AKAP8: variants seen among roughly 807,000 people sequenced by gnomAD.
AKAP8 encodes the protein A-kinase anchor protein 8.
In AKAP8, 24 loss-of-function variants were observed where a neutral mutation model predicts 67.5. That is an observed-to-expected ratio of 0.36 (90% confidence interval 0.26 to 0.50). The LOEUF (loss-of-function observed/expected upper bound fraction) is 0.50. Ranked by LOEUF, AKAP8 falls within the 20% of genes least tolerant of loss-of-function variation. The pLI, the probability that AKAP8 is intolerant of heterozygous loss-of-function variation, is 0.97. For missense variants in AKAP8, 971 were observed against 955.9 expected, an observed-to-expected ratio of 1.02 and a Z score of -0.21; for synonymous variants, 400 against 371.1, an observed-to-expected ratio of 1.08 and a Z score of -0.90.
chr19:15,362,887 G>T (rs1286359836), intron 9 of AKAP8, among the ~76,000 whole-genome samples: 15 of 150,546 alleles, frequency 1.0e-4, no homozygotes, highest in African/African-American at 3.7e-4. Flanking sequence ...GTCTCTGCCC[G>T]GCCGCCATCC....
Position 15,379,756 on chromosome 19 carries a change from C to T in AKAP8, c.-25G>A. The T allele has an allele frequency of 1.2e-6, 2 of 1,610,600 alleles. No individual in the cohort carries two copies. The highest frequency in any genetic ancestry group is 2.7e-5 in the African/African-American group (2 of 74,764). ...TGTCTTCGACGCGGCCCACCAGCAG[C>T]CCCGTTTACTAGGCGACCACAGCAC... On this transcript the variant is annotated 5_prime_UTR_variant, in exon 1 of 14. Coordinates refer to ENST00000269701, the MANE Select transcript of AKAP8 (RefSeq NM_005858.4).
chr19:15,356,895 C>T (rs1000594850), intron 13 of AKAP8, among the ~76,000 whole-genome samples: 1 of 151,958 alleles, frequency 6.6e-6, no homozygotes, highest in Non-Finnish European at 1.5e-5. Context: ...CTTTGGGAGG[C>T]GGAAGCAGGC....
intron 9 of AKAP8, among the ~76,000 whole-genome samples, chr19:15,366,150 A>G (rs1367953467): frequency 7.8e-5 from 4 of 51,082 alleles, no homozygotes; most frequent in Non-Finnish European, 1.4e-4. Flanking sequence ...AAAAAAAGCA[A>G]AAAGAAAAAA....
At chr19:15,368,005 A>G (rs2145076056) in intron 9 of AKAP8, among the ~76,000 whole-genome samples, 1 of 152,274 alleles carries the variant, frequency 6.6e-6, no homozygotes, top group South Asian at 2.1e-4. Flanking sequence ...AAACCTAACC[A>G]CCAAAGCAAC....
intron 9 of AKAP8, among the ~76,000 whole-genome samples, chr19:15,367,241 C>T (rs965967259): frequency 2.0e-5 from 3 of 152,180 alleles, no homozygotes; most frequent in African/African-American, 4.8e-5. Context: ...ACGACAATCA[C>T]TGCCCAGACT....
At chr19:15,365,987 G>A (rs1438785943) in intron 9 of AKAP8, among the ~76,000 whole-genome samples, 4 of 149,528 alleles carry the variant, frequency 2.7e-5, no homozygotes, top group South Asian at 2.1e-4. Flanking sequence ...TCGTGCCACT[G>A]CACTCTAGGA....
At position 15,369,547 on chromosome 19, in the gene AKAP8, G is replaced by A. The variant is rs1353770585; in HGVS notation, c.1072+599C>T. On this transcript the variant is annotated intron_variant, in intron 8 of 13. Coordinates refer to ENST00000269701, the MANE Select transcript of AKAP8 (RefSeq NM_005858.4). The surrounding 1 kb of genome is among the most constrained non-coding windows in gnomAD (Gnocchi z 4.6). ...ATGAGGGATTTAAGCCTGCTCTGCT[G>A]TTGCTGCAGACCCTCTGGTCTCCTG... Among the ~76,000 whole-genome samples the A allele has an allele frequency of 6.6e-6, 1 of 152,228 alleles. No individual in the cohort carries two copies. The highest frequency in any genetic ancestry group is 1.5e-5 in the Non-Finnish European group (1 of 68,036).
chr19:15,360,668 A>C (rs1966949698), intron 12 of AKAP8, among the ~76,000 whole-genome samples, 180 bp downstream of exon 12: 1 of 152,236 alleles, frequency 6.6e-6, no homozygotes, highest in African/African-American at 2.4e-5. Context: ...GAGTCTAAGC[A>C]ACACATTTTC....
Position 15,354,560 on chromosome 19 carries a change from A to C in AKAP8, c.*355T>G, listed in dbSNP as rs1355325825. 3 of 241,344 alleles carry C rather than the reference A, an allele frequency of 1.2e-5. No homozygotes were observed. In the Admixed American group the frequency reaches 1.5e-4, roughly 12 times the overall value. The allele number at this position is 241,344 out of a possible 1,614,324, so 15.0% of individuals were successfully genotyped here. A position where few individuals can be genotyped will look rare whatever the true frequency, so the allele number is the denominator to read the frequency against. On this transcript the variant is annotated 3_prime_UTR_variant, in exon 14 of 14. Coordinates refer to ENST00000269701, the MANE Select transcript of AKAP8 (RefSeq NM_005858.4). The stretch of plus-strand genomic sequence containing the variant: ...GCTGTTCCCAACCAAATAAAAAAAA[A>C]AATTAAGGAAAAAAATAAAAAAGGA...
At chr19:15,373,405 T>C (rs764306766) in intron 4 of AKAP8, 65 bp from the exon 5 acceptor site, 146 of 1,515,922 alleles carry the variant, frequency 9.6e-5, no homozygotes, top group Non-Finnish European at 1.3e-4. Flanking sequence ...ACTCCCTCAG[T>C]ATAACCTCGA....
At chr19:15,361,104 A>G (rs1966957662) in intron 11 of AKAP8, 126 bp from the exon 12 acceptor site, 9 of 1,195,228 alleles carry the variant, frequency 7.5e-6, no homozygotes, top group Non-Finnish European at 1.0e-5. Context: ...CTGCCTTTCT[A>G]TGGGGAGTAT....
chr19:15,354,619 T>A lies in AKAP8; in HGVS notation c.*296A>T. ...ATCAGTGGCTGTATTGAACAAGTAA[T>A]GTATCATCAAGATATAATCACCCAA... On this transcript the variant is annotated 3_prime_UTR_variant, in exon 14 of 14. Coordinates refer to ENST00000269701, the MANE Select transcript of AKAP8 (RefSeq NM_005858.4). 2.5e-6 allele frequency: 1 copy of A among 394,922 alleles called. No individual in the cohort carries two copies. The highest frequency in any genetic ancestry group is 5.3e-5 in the South Asian group (1 of 19,014). The allele number at this position is 394,922 out of a possible 1,614,324, so 24.5% of individuals were successfully genotyped here.
chr19:15,378,226 A>G (rs1967289831), intron 1 of AKAP8, among the ~76,000 whole-genome samples: 1 of 152,148 alleles, frequency 6.6e-6, no homozygotes, highest in Admixed American at 6.5e-5. Flanking sequence ...CCTCCGTCAT[A>G]CCGCAAAACC....
At chr19:15,378,880 GGGAAA>G (rs1967309621) in intron 1 of AKAP8, 1 of 152,486 alleles carries the variant, frequency 6.6e-6, no homozygotes, top group African/African-American at 2.4e-5. Flanking sequence ...AATCCTAGTG[GGGAAA>G]GGACACGTTC....
rs746031153 is a variant in AKAP8, at chr19:15,373,166, G to A, written c.546C>T (p.Ser182=). The A allele has an allele frequency of 3.3e-5, 54 of 1,613,416 alleles. No homozygotes were observed. In the African/African-American group the frequency reaches 5.5e-4, roughly 16 times the overall value. ...ECRDPARERG[S]LDGFMRGRGQ... ...CCCGGCCCCGCATGAAGCCATCAAG[G>A]GAGCCCCGCTCCCGGGCTGGGTCTC... Residue 182 remains serine (S), a synonymous_variant, in exon 5 of 14, where the codon TCC becomes TCT. Transcript: ENST00000269701.
chr19:15,379,742 C>T lies in AKAP8; in HGVS notation c.-11G>A, dbSNP rs1490461483. 1.9e-6 allele frequency: 3 copies of T among 1,611,218 alleles called. No individual in the cohort carries two copies. The highest frequency in any genetic ancestry group is 2.2e-5 in the South Asian group (2 of 90,556). On this transcript the variant is annotated 5_prime_UTR_variant, in exon 1 of 14. Coordinates refer to ENST00000269701, the MANE Select transcript of AKAP8 (RefSeq NM_005858.4). ...GTAGCCCTGGTCCATGTCTTCGACG[C>T]GGCCCACCAGCAGCCCCGTTTACTA...
At position 15,370,176 on chromosome 19, in the gene AKAP8, C is replaced by T. The variant is rs770651728; in HGVS notation, c.1042G>A (p.Asp348Asn). The part of the protein sequence containing the change: ...RSGDEEFKGE[D>N]ELCDSGRQRG... ...TGCCTCCCAGAGTCGCAGAGTTCAT[C>T]CTCCTGGAAAAGAGTATACACAAAG... Residue 348 changes from aspartate (D) to asparagine (N), a missense_variant, in exon 8 of 14, where the codon GAT becomes AAT. Asp to Asn is a conservative substitution (Grantham distance 23). Around this residue, in one of 3 missense-constraint regions of AKAP8, gnomAD observed 763 missense variants for 745.4 expected, o/e 1.02. Coordinates refer to ENST00000269701, the MANE Select transcript of AKAP8 (RefSeq NM_005858.4). 9.3e-6 allele frequency: 15 copies of T among 1,614,002 alleles called. No homozygotes were observed. Among genetic ancestry groups the T allele is most frequent in the Non-Finnish European group, 3.4e-6 (4 of 1,180,020 alleles).
chr19:15,379,534 G>A (rs896272282), intron 1 of AKAP8, 179 bp downstream of exon 1: 8 of 606,114 alleles, frequency 1.3e-5, no homozygotes, highest in South Asian at 2.7e-5. Context: ...CAGAGCCCCG[G>A]GAGCGACGGC....
At chr19:15,359,913 C>T (rs1021488695) in intron 12 of AKAP8, among the ~76,000 whole-genome samples, 1 of 151,886 alleles carries the variant, frequency 6.6e-6, no homozygotes, top group Admixed American at 6.6e-5. Flanking sequence ...GCGGGTGGAT[C>T]ACCTGAGGTC....
Sources: gnomAD v4.1 joint callset for allele counts (sites outside exome capture counted in the v4.1 genomes callset) on GRCh38, gnomAD v4.1.1 for gene constraint, gnomAD v4.1.1 regional missense constraint, Gnocchi (gnomAD v3.1) non-coding constraint, MANE v1.5 for transcripts, NCBI Gene and HGNC (gene_info 2026-07-23, HGNC 2026-07-21) for gene names.